Variants in PIK3CD observed in about 807,000 individuals in gnomAD.
The protein encoded by PIK3CD is phosphatidylinositol 4,5-bisphosphate 3-kinase catalytic subunit delta isoform.
Under a neutral mutation model 122.9 loss-of-function variants are expected in PIK3CD, and 20 were observed. That is an observed-to-expected ratio of 0.16 (90% CI 0.11 to 0.24). PIK3CD has a LOEUF of 0.24. Ranked by LOEUF, PIK3CD falls within the 10% of genes least tolerant of loss-of-function variation. PIK3CD has a pLI of 1.00. For synonymous variants in PIK3CD, 596 were observed against 593.4 expected, an observed-to-expected ratio of 1.00 and a Z score of -0.06; for missense variants, 787 against 1,406.3, an observed-to-expected ratio of 0.56 and a Z score of 7.04.
the PIK3CD span, among the ~76,000 whole-genome samples, chr1:9,627,833 G>T: frequency 1.3e-5 from 2 of 152,204 alleles, no homozygotes; most frequent in African/African-American, 4.8e-5. Context: ...GATGCTAAAG[G>T]CCAGGGGGCC....
intron 2 of PIK3CD, among the ~76,000 whole-genome samples, chr1:9,699,364 C>G (rs1346183938): frequency 6.6e-6 from 1 of 152,136 alleles, no homozygotes; most frequent in African/African-American, 2.4e-5. Context: ...TCCATTCTGG[C>G]CTCGCCCCTT....
intron 2 of PIK3CD, among the ~76,000 whole-genome samples, chr1:9,707,349 A>T (rs1646876482): frequency 6.9e-6 from 1 of 145,756 alleles, no homozygotes; most frequent in African/African-American, 2.5e-5. Flanking sequence ...CTTGAGTGTT[A>T]CATTTTTCTT....
At chr1:9,641,065 T>C in the PIK3CD span, among the ~76,000 whole-genome samples, 1 of 152,186 alleles carries the variant, frequency 6.6e-6, no homozygotes, top group African/African-American at 2.4e-5. Context: ...CTTACATTTT[T>C]CGGCAGCACA....
At chr1:9,660,017 G>A (rs1274357367) in intron 1 of PIK3CD, among the ~76,000 whole-genome samples, 1 of 152,226 alleles carries the variant, frequency 6.6e-6, no homozygotes, top group African/African-American at 2.4e-5. Context: ...CCAGGTTTAA[G>A]TGATTCTCCT....
chr1:9,677,504 G>T (rs902028914), intron 1 of PIK3CD, among the ~76,000 whole-genome samples: 2 of 151,936 alleles, frequency 1.3e-5, no homozygotes, highest in Non-Finnish European at 2.9e-5. Context: ...AATTAGCCAG[G>T]TGTGGTGGCG....
rs2101044144 is a variant in PIK3CD, at chr1:9,727,121, G to A, written c.*75G>A. 2 of 1,565,318 alleles carry A rather than the reference G, an allele frequency of 1.3e-6. No individual in the cohort carries two copies. Among genetic ancestry groups the A allele is most frequent in the Non-Finnish European group, 1.8e-6 (2 of 1,138,780 alleles). On this transcript the variant is annotated 3_prime_UTR_variant, in exon 24 of 24. Coordinates refer to ENST00000377346, the MANE Select transcript of PIK3CD (RefSeq NM_005026.5). ...GACCAAGCACATTGGTCCTAAAGGG[G>A]CTGAAGAGCCTGAACTGCACCTAAC...
rs199593360 is a variant in PIK3CD at position 9,724,269 on chromosome 1, C to A, written c.2719-7C>A. 2 of 1,614,154 alleles carry A rather than the reference C, an allele frequency of 1.2e-6. No homozygotes were observed. Among genetic ancestry groups the A allele is most frequent in the South Asian group, 2.2e-5 (2 of 91,080 alleles). On this transcript the variant is annotated splice_region_variant and splice_polypyrimidine_tract_variant and intron_variant, in intron 21 of 23. Transcript: ENST00000377346. The surrounding 1 kb of genome is among the most constrained non-coding windows in gnomAD (Gnocchi z 7.3). The stretch of plus-strand genomic sequence containing the variant: ...TCAATCCTCCCCCTCCTCTCCCCTC[C>A]CCTCAGCTGTTCCACATTGATTTTG...
chr1:9,664,453 C>T (rs1645101038), intron 1 of PIK3CD, among the ~76,000 whole-genome samples: 1 of 152,184 alleles, frequency 6.6e-6, no homozygotes, highest in African/African-American at 2.4e-5. Flanking sequence ...TTGACCACCA[C>T]CCACAAGGGG....
chr1:9,681,533 G>C (rs1186512389), intron 1 of PIK3CD, among the ~76,000 whole-genome samples: 2 of 152,194 alleles, frequency 1.3e-5, no homozygotes, highest in African/African-American at 4.8e-5. Context: ...TCCTGCCTCA[G>C]CCTCCCGAGT....
At chr1:9,667,015 C>T (rs1320419304) in intron 1 of PIK3CD, among the ~76,000 whole-genome samples, 8 of 152,102 alleles carry the variant, frequency 5.3e-5, no homozygotes, top group Admixed American at 1.3e-4. Flanking sequence ...AGGCGTACAC[C>T]GCCATGCCTG....
At chr1:9,716,839 C>CAGTGG in intron 6 of PIK3CD, 120 bp from the exon 7 acceptor site, 1 of 1,417,744 alleles carries the variant, frequency 7.1e-7, no homozygotes, top group Non-Finnish European at 9.9e-7. Context: ...CAGCAGGAAG[C>CAGTGG]CCTCCCCTCT....
chr1:9,720,517 C>G lies in PIK3CD; in HGVS notation c.1471-94C>G, dbSNP rs1335905408. 6.5e-7 allele frequency: 1 copy of G among 1,541,536 alleles called. No homozygotes were observed. Among genetic ancestry groups the G allele is most frequent in the Non-Finnish European group, 8.8e-7 (1 of 1,141,132 alleles). The stretch of plus-strand genomic sequence containing the variant: ...GCCTCCATGCAGAGGACAGCGCCCC[C>G]TCAAGGATGATTGGGGTGGCAATGC... On this transcript the variant is annotated intron_variant, in intron 11 of 23. Coordinates refer to ENST00000377346, the MANE Select transcript of PIK3CD (RefSeq NM_005026.5). This position sits in a 1 kb window ranked among gnomAD's most constrained non-coding sequence, Gnocchi z 9.0.
intron 1 of PIK3CD, chr1:9,688,261 C>A (rs1439980145): frequency 6.6e-6 from 1 of 152,456 alleles, no homozygotes; most frequent in African/African-American, 2.4e-5. Context: ...CACGCCAGGG[C>A]TGATTCTGGT....
the PIK3CD span, among the ~76,000 whole-genome samples, chr1:9,634,147 TTG>T: frequency 0.12 from 8,884 of 76,188 alleles, 552 homozygotes; most frequent in African/African-American, 0.31. Flanking sequence ...AATTTTTGGG[TTG>T]TTTTTTTTTT....
At chr1:9,654,108 G>T (rs1425864621) in intron 1 of PIK3CD, 1 of 1,175,040 alleles carries the variant, frequency 8.5e-7, no homozygotes. Context: ...GCCTGCTCCA[G>T]AGACAACTAA....
chr1:9,686,485 AGCCACCGTGCCC>A (rs1302806548), intron 1 of PIK3CD, among the ~76,000 whole-genome samples: 1 of 151,698 alleles, frequency 6.6e-6, no homozygotes, highest in East Asian at 1.9e-4. Context: ...TACAGGCGTG[AGCCACCGTGCCC>A]GCCTTAATTT....
Position 9,710,460 on chromosome 1 carries a change from C to T in PIK3CD, c.5C>T (p.Pro2Leu), listed in dbSNP as rs1257745660. 1.9e-6 allele frequency: 3 copies of T among 1,614,088 alleles called. No individual in the cohort carries two copies. Among genetic ancestry groups the T allele is most frequent in the East Asian group, 4.5e-5 (2 of 44,888 alleles). M[P>L]PGVDCPMEFW... ...TCTGGGAAGTAACAACGCAGGATGC[C>T]CCCTGGGGTGGACTGCCCCATGGAA... is the stretch of plus-strand genomic sequence containing the variant. The change falls in exon 3 of 24, where the codon CCC (proline) becomes CTC (leucine). Residue 2 changes from proline (P) to leucine (L), a missense_variant. Transcript: ENST00000377346. The surrounding 1 kb of genome is among the most constrained non-coding windows in gnomAD (Gnocchi z 4.7).
chr1:9,640,764 C>T, the PIK3CD span, among the ~76,000 whole-genome samples: 2 of 152,180 alleles, frequency 1.3e-5, no homozygotes, highest in East Asian at 3.9e-4. Context: ...CAGCCTGGAA[C>T]CTTCCCTCTG....
Position 9,717,673 on chromosome 1 carries a change from A to G in PIK3CD, c.1020+47A>G. On this transcript the variant is annotated intron_variant, in intron 8 of 23. Transcript: ENST00000377346. This position sits in a 1 kb window ranked among gnomAD's most constrained non-coding sequence, Gnocchi z 5.4. ...GGAGAGACACTGTTTTTTTGCACAA[A>G]CAAGGTGGCTGTATCCTGGAGGGGT... 6.4e-7 allele frequency: 1 copy of G among 1,553,750 alleles called. No homozygotes were observed. Among genetic ancestry groups the G allele is most frequent in the South Asian group, 1.1e-5 (1 of 89,460 alleles).
Sources: allele counts gnomAD v4.1 joint callset (sites outside exome capture counted in the v4.1 genomes callset), GRCh38; gene constraint gnomAD v4.1.1; non-coding constraint Gnocchi (gnomAD v3.1); transcripts MANE v1.5; gene names NCBI Gene and HGNC (gene_info 2026-07-23, HGNC 2026-07-21).